Variants in SLC9C2 observed in about 807,000 individuals in gnomAD.
The protein encoded by SLC9C2 is sodium/hydrogen exchanger 11.
In SLC9C2, 75 loss-of-function variants were observed where a neutral mutation model predicts 140.2. The observed-to-expected ratio is 0.53, with a 90% CI of 0.44 to 0.65. The LOEUF (loss-of-function observed/expected upper bound fraction) is 0.65, where lower values mean the gene tolerates loss of function less well. Ranked by LOEUF, SLC9C2 falls within the 30% of genes least tolerant of loss-of-function variation. The pLI, the probability that SLC9C2 is intolerant of heterozygous loss-of-function variation, is 0.00. For missense variants in SLC9C2, 1,074 were observed against 1,331.8 expected, an observed-to-expected ratio of 0.81 and a Z score of 3.01; for synonymous variants, 375 against 420.9, an observed-to-expected ratio of 0.89 and a Z score of 1.34.
intron 10 of SLC9C2, among the ~76,000 whole-genome samples, chr1:173,555,519 G>A (rs772678604): frequency 1.3e-5 from 2 of 152,200 alleles, no homozygotes; most frequent in African/African-American, 2.4e-5. Flanking sequence ...GCTGTGGGTT[G>A]TGATTCTGTA....
rs1659214215 is a variant in SLC9C2 at position 173,500,815 on chromosome 1, T to G, written c.*279A>C. 1 of 229,728 alleles carries G rather than the reference T, an allele frequency of 4.4e-6. No individual in the cohort carries two copies. Among genetic ancestry groups the G allele is most frequent in the African/African-American group, 2.2e-5 (1 of 44,530 alleles). The allele number at this position is 229,728 out of a possible 1,614,324, so 14.2% of individuals were successfully genotyped here. On this transcript the variant is annotated 3_prime_UTR_variant, in exon 28 of 28. Coordinates refer to ENST00000367714, the MANE Select transcript of SLC9C2 (RefSeq NM_178527.4). ...TTTGCTCTTAGCTGGAAACAGGGTT[T>G]CATTTGGTAGGACATATGTTTCAGT...
At chr1:173,542,810 C>A (rs1285354875) in intron 13 of SLC9C2, among the ~76,000 whole-genome samples, 1 of 152,154 alleles carries the variant, frequency 6.6e-6, no homozygotes, top group Non-Finnish European at 1.5e-5. Flanking sequence ...AATTCAACAG[C>A]CCTACATGCT....
chr1:173,517,638 T>C lies in SLC9C2; in HGVS notation c.2806A>G (p.Met936Val), dbSNP rs750557305. The change falls in exon 23 of 28, where the codon ATG becomes GTG. Residue 936 changes from methionine (M) to valine (V), a missense_variant. Met to Val is a conservative substitution (Grantham distance 21, BLOSUM62 1). Transcript: ENST00000367714. ...NQRCDRGSRD[M>V]FTEFCTTGDI... ...CCAGTAGTACAGAACTCTGTAAACA[T>C]GTCTCTGGACCCTCTATCACACCTT... 3.1e-6 allele frequency: 5 copies of C among 1,613,932 alleles called. No individual in the cohort carries two copies. Among genetic ancestry groups the C allele is most frequent in the Admixed American group, 3.3e-5 (2 of 60,002 alleles).
At position 173,513,491 on chromosome 1, in the gene SLC9C2, G is replaced by A. The variant is rs182301941; in HGVS notation, c.2908-3792C>T. On this transcript the variant is annotated intron_variant, in intron 23 of 27. Coordinates refer to ENST00000367714, the MANE Select transcript of SLC9C2 (RefSeq NM_178527.4). ...CTGATCGTAGTTTGTATTTCTGTGG[G>A]GTCAGTGGTGATATCCCCTTTATCA... Among the ~76,000 whole-genome samples the A allele has an allele frequency of 5.0e-3, 754 of 152,076 alleles. 7 individuals are homozygous for A. Among genetic ancestry groups the A allele is most frequent in the African/African-American group, 0.017 (714 of 41,470 alleles).
chr1:173,547,062 A>G (rs961724598), intron 13 of SLC9C2, among the ~76,000 whole-genome samples: 2 of 152,114 alleles, frequency 1.3e-5, no homozygotes, highest in Non-Finnish European at 2.9e-5. Flanking sequence ...AATATTGACA[A>G]TAAGTTTTAA....
intron 11 of SLC9C2, among the ~76,000 whole-genome samples, chr1:173,552,388 G>A (rs552777044): frequency 2.2e-4 from 34 of 152,204 alleles, no homozygotes; most frequent in Non-Finnish European, 5.0e-4. Flanking sequence ...CAGATAAACA[G>A]CCTTATATTG....
intron 11 of SLC9C2, among the ~76,000 whole-genome samples, chr1:173,549,397 C>A (rs1271373753): frequency 1.3e-5 from 2 of 152,236 alleles, no homozygotes; most frequent in Non-Finnish European, 2.9e-5. Context: ...TGACTGCCTG[C>A]TCCCTTGGAT....
At chr1:173,560,168 CT>C (rs1466415089) in intron 9 of SLC9C2, among the ~76,000 whole-genome samples, 2 of 152,122 alleles carry the variant, frequency 1.3e-5, no homozygotes, top group African/African-American at 4.8e-5. Context: ...AATCTTAATC[CT>C]TTTTTAGCTG....
chr1:173,533,556 G>A, intron 17 of SLC9C2, 53 bp downstream of exon 17: 1 of 1,376,414 alleles, frequency 7.3e-7, no homozygotes, highest in Non-Finnish European at 1.0e-6. Flanking sequence ...GGGATTATAG[G>A]TGTGAGCTAC....
intron 18 of SLC9C2, 44 bp from the exon 19 acceptor site, chr1:173,526,758 A>T: frequency 7.7e-7 from 1 of 1,306,732 alleles, no homozygotes; most frequent in Non-Finnish European, 1.0e-6. Context: ...TTATTCATAT[A>T]GTTTCTGTAA....
Position 173,524,105 on chromosome 1 carries a change from A to G in SLC9C2, c.2515-11T>C, listed in dbSNP as rs1190871609. 1 of 1,598,684 alleles carries G rather than the reference A, an allele frequency of 6.3e-7. No homozygotes were observed. The highest frequency in any genetic ancestry group is 1.1e-5 in the South Asian group (1 of 88,242). ...TTTTTTAAGAAGTACCTAAAAACAAATAATCAAAATAATGGGGATCAGATC... is the reference window on the plus strand; with the variant it reads ...TTTTTTAAGAAGTACCTAAAAACAAGTAATCAAAATAATGGGGATCAGATC... On this transcript the variant is annotated splice_polypyrimidine_tract_variant and intron_variant, in intron 20 of 27. Transcript: ENST00000367714.
At chr1:173,573,147 A>G (rs765904452) in intron 9 of SLC9C2, 35 bp downstream of exon 9, 1 of 1,412,156 alleles carries the variant, frequency 7.1e-7, no homozygotes, top group Non-Finnish European at 9.6e-7. Flanking sequence ...TGAGAATCTC[A>G]GTTTAGTAAA....
chr1:173,514,029 T>C (rs1660238369), intron 23 of SLC9C2, among the ~76,000 whole-genome samples: 1 of 152,232 alleles, frequency 6.6e-6, no homozygotes, highest in Non-Finnish European at 1.5e-5. Flanking sequence ...AGAGACAGTT[T>C]GTTATGATTT....
At chr1:173,601,115 GTTAT>G (rs1666750514) in intron 2 of SLC9C2, among the ~76,000 whole-genome samples, 1 of 152,042 alleles carries the variant, frequency 6.6e-6, no homozygotes, top group Non-Finnish European at 1.5e-5. Context: ...GTTGGGGTGG[GTTAT>G]TTATCTTCCC....
chr1:173,552,157 G>C (rs1663357682), intron 11 of SLC9C2, among the ~76,000 whole-genome samples: 1 of 152,200 alleles, frequency 6.6e-6, no homozygotes, highest in Non-Finnish European at 1.5e-5. Flanking sequence ...TTATATGAAG[G>C]CTAAGAGAGG....
chr1:173,501,771 GC>G (rs1287071180), intron 27 of SLC9C2, among the ~76,000 whole-genome samples: 1 of 152,058 alleles, frequency 6.6e-6, no homozygotes, highest in Non-Finnish European at 1.5e-5. Flanking sequence ...GGAGAGGAAG[GC>G]CCTAGGAGGG....
chr1:173,505,152 G>T, intron 26 of SLC9C2, 95 bp downstream of exon 26: 1 of 1,011,678 alleles, frequency 9.9e-7, no homozygotes, highest in Non-Finnish European at 1.5e-6. Flanking sequence ...CCCACATAGT[G>T]CCCTCTCAAA....
rs533871157 is a variant in SLC9C2 at position 173,533,249 on chromosome 1, CTTTA to C, written c.2163+356_2163+359del. On this transcript the variant is annotated intron_variant, in intron 17 of 27. Coordinates refer to ENST00000367714, the MANE Select transcript of SLC9C2 (RefSeq NM_178527.4). ...ACAATGTAAAAAAAGAATTTTAATA[CTTTA>C]TTTTATTATTATTATTATTTTTTGA... 3.9e-3 allele frequency among the ~76,000 whole-genome samples: 594 copies of C among 152,168 alleles called. 4 individuals are homozygous for C. Among genetic ancestry groups the C allele is most frequent in the South Asian group, 3.7e-3 (18 of 4,820 alleles).
intron 26 of SLC9C2, among the ~76,000 whole-genome samples, chr1:173,504,053 C>T (rs1286616830): frequency 2.6e-5 from 4 of 152,154 alleles, no homozygotes; most frequent in Non-Finnish European, 5.9e-5. Context: ...ACCCTGAGTT[C>T]CCAGCCTTGC....
Sources: allele counts gnomAD v4.1 joint callset (sites outside exome capture counted in the v4.1 genomes callset), GRCh38; gene constraint gnomAD v4.1.1; transcripts MANE v1.5; gene names NCBI Gene and HGNC (gene_info 2026-07-23, HGNC 2026-07-21).